Variants in KAZN observed in about 807,000 individuals in gnomAD.
KAZN encodes kazrin, periplakin interacting protein, also known as kazrin.
In KAZN, 40 loss-of-function variants were observed where a neutral mutation model predicts 87.4. That is an observed-to-expected ratio of 0.46 (90% confidence interval 0.36 to 0.60). The LOEUF (loss-of-function observed/expected upper bound fraction) is 0.60, where lower values mean the gene tolerates loss of function less well. Among genes scored for constraint, KAZN ranks in the 20% least tolerant of loss-of-function variants. KAZN has a pLI of 0.00. For synonymous variants in KAZN, 466 were observed against 458.3 expected, an observed-to-expected ratio of 1.02 and a Z score of -0.22; for missense variants, 898 against 1,073.9, an observed-to-expected ratio of 0.84 and a Z score of 2.29.
intron 1 of KAZN, among the ~76,000 whole-genome samples, chr1:14,868,973 G>C (rs1466268317): frequency 6.6e-6 from 1 of 152,152 alleles, no homozygotes; most frequent in Non-Finnish European, 1.5e-5. Flanking sequence ...GTTGATCTGT[G>C]TCCCCCACTC....
intron 10 of KAZN, among the ~76,000 whole-genome samples, chr1:15,100,487 G>A (rs1030169130): frequency 1.3e-5 from 2 of 152,172 alleles, no homozygotes; most frequent in Non-Finnish European, 2.9e-5. Context: ...CAGACCTGGG[G>A]CATTTTGCAA....
At chr1:14,424,111 A>G in intron 2 of KAZN, among the ~76,000 whole-genome samples, 1 of 152,142 alleles carries the variant, frequency 6.6e-6, no homozygotes, top group Admixed American at 6.5e-5. Context: ...CAGAGTCCCA[A>G]CTCACATAGT....
At chr1:14,182,507 A>T (rs1304398838) in intron 2 of KAZN, among the ~76,000 whole-genome samples, 1 of 152,118 alleles carries the variant, frequency 6.6e-6, no homozygotes, top group African/African-American at 2.4e-5. Context: ...TTTGGTTATG[A>T]TCCTCCGTTC....
intron 2 of KAZN, among the ~76,000 whole-genome samples, chr1:14,579,697 T>A (rs570071985): frequency 1.2e-4 from 18 of 150,298 alleles, no homozygotes; most frequent in South Asian, 4.2e-4. Context: ...GAAAAAAAAA[T>A]TTTTTTAGCA....
chr1:14,020,611 A>G (rs1002744018), intron 1 of KAZN, among the ~76,000 whole-genome samples: 1 of 152,236 alleles, frequency 6.6e-6, no homozygotes, highest in East Asian at 1.9e-4. Context: ...TGTGCTGGAT[A>G]TGCATGATAA....
At chr1:14,336,827 A>G (rs1057146541) in intron 2 of KAZN, among the ~76,000 whole-genome samples, 12 of 152,114 alleles carry the variant, frequency 7.9e-5, no homozygotes, top group Non-Finnish European at 1.5e-4. Flanking sequence ...ATATTTTTTT[A>G]TATAATCTGG....
intron 1 of KAZN, among the ~76,000 whole-genome samples, chr1:14,644,660 C>A (rs1312332787): frequency 6.6e-6 from 1 of 152,166 alleles, no homozygotes; most frequent in African/African-American, 2.4e-5. Context: ...CGTGCCGGGC[C>A]TTCTCTTGTA....
intron 2 of KAZN, among the ~76,000 whole-genome samples, chr1:14,426,766 C>G (rs769554638): frequency 1.3e-5 from 2 of 152,130 alleles, no homozygotes; most frequent in Non-Finnish European, 2.9e-5. Context: ...CTGAGAAGGT[C>G]AGAGCTAGGT....
chr1:14,145,185 G>A (rs1645319628), intron 1 of KAZN, among the ~76,000 whole-genome samples: 1 of 152,118 alleles, frequency 6.6e-6, no homozygotes, highest in Non-Finnish European at 1.5e-5. Flanking sequence ...GCTCACATCT[G>A]TAATCCCAAC....
chr1:14,771,027 G>A (rs1363113533), intron 1 of KAZN, among the ~76,000 whole-genome samples: 3 of 152,040 alleles, frequency 2.0e-5, no homozygotes, highest in Admixed American at 1.3e-4. Context: ...CCCAAATTCG[G>A]GACACCCATC....
At position 14,007,176 on chromosome 1, in the gene KAZN, T is replaced by G. The variant is rs1332422199; in HGVS notation, c.91+113420T>G. ...ATAAATGCAGCTGATTTTTGTGGGT[T>G]GATTTTGTATCCTGCAACTTTACTG... On this transcript the variant is annotated intron_variant, in intron 1 of 16. Transcript: ENST00000636203. Among the ~76,000 whole-genome samples, 5 of 152,334 alleles carry G rather than the reference T, an allele frequency of 3.3e-5. No individual in the cohort carries two copies. In the South Asian group the frequency reaches 8.3e-4, roughly 25 times the overall value.
intron 2 of KAZN, among the ~76,000 whole-genome samples, chr1:14,186,622 C>T (rs1255123349): frequency 1.3e-5 from 2 of 152,078 alleles, no homozygotes; most frequent in Non-Finnish European, 2.9e-5. Context: ...GTCACTGGGC[C>T]CTCCTCTCTT....
intron 1 of KAZN, among the ~76,000 whole-genome samples, chr1:13,965,718 C>A (rs1641918507): frequency 6.6e-6 from 1 of 152,164 alleles, no homozygotes; most frequent in Admixed American, 6.5e-5. Flanking sequence ...GCTGTGAAGT[C>A]AAGGAGGGCT....
chr1:14,087,068 T>C (rs1643875119), intron 1 of KAZN, among the ~76,000 whole-genome samples: 1 of 152,188 alleles, frequency 6.6e-6, no homozygotes, highest in Non-Finnish European at 1.5e-5. Flanking sequence ...GCTGGGAATT[T>C]GACTAGGGAG....
chr1:14,573,119 A>G (rs1180386172), intron 2 of KAZN, among the ~76,000 whole-genome samples: 2 of 151,598 alleles, frequency 1.3e-5, no homozygotes, highest in Non-Finnish European at 2.9e-5. Flanking sequence ...CTTCTGATTC[A>G]TTAAGTTCCT....
intron 8 of KAZN, among the ~76,000 whole-genome samples, chr1:15,071,814 T>G (rs1432732375): frequency 6.6e-6 from 1 of 152,192 alleles, no homozygotes. Context: ...ACAGAAACCA[T>G]GCTTCTGGAT....
At chr1:14,732,969 C>G (rs1643744199) in intron 1 of KAZN, among the ~76,000 whole-genome samples, 1 of 152,046 alleles carries the variant, frequency 6.6e-6, no homozygotes, top group Admixed American at 6.5e-5. Context: ...TTCCCTCCTT[C>G]CCCTATGTTC....
intron 2 of KAZN, among the ~76,000 whole-genome samples, chr1:14,538,395 A>T (rs1348018418): frequency 6.6e-6 from 1 of 152,218 alleles, no homozygotes; most frequent in East Asian, 1.9e-4. Context: ...CATACCCAAG[A>T]CTGGGTAATT....
intron 2 of KAZN, among the ~76,000 whole-genome samples, chr1:14,244,757 T>C (rs1259828288): frequency 1.3e-5 from 2 of 151,858 alleles, no homozygotes; most frequent in East Asian, 1.9e-4. Flanking sequence ...TGAGAATTGA[T>C]GGTGAACAGG....
Sources: gnomAD v4.1 joint callset for allele counts (sites outside exome capture counted in the v4.1 genomes callset) on GRCh38, gnomAD v4.1.1 for gene constraint, MANE v1.5 for transcripts, NCBI Gene and HGNC (gene_info 2026-07-23, HGNC 2026-07-21) for gene names.